Variants in EDIL3 observed in about 807,000 individuals in gnomAD.
EDIL3 encodes the protein EGF like and discoidin domains 3.
Under a neutral mutation model 67.4 loss-of-function variants are expected in EDIL3, and 37 were observed. The ratio of observed to expected loss-of-function variants is 0.55; its 90% CI spans 0.42 to 0.72. The LOEUF is 0.72. EDIL3 is among the 30% of genes least tolerant of loss of function. The pLI is 0.00. For missense variants in EDIL3, 527 were observed against 586.3 expected (o/e 0.90, Z 1.04); for synonymous variants, 195 against 196.3 (o/e 0.99, Z 0.05).
At chr5:84,156,929 A>G (rs932678078) in intron 4 of EDIL3, among the ~76,000 whole-genome samples, 2 of 152,138 alleles carry the variant, frequency 1.3e-5, no homozygotes, top group African/African-American at 4.8e-5. Context: ...CCAGAGTACT[A>G]TCAGCACGTC....
chr5:84,370,881 G>A (rs573814275), intron 1 of EDIL3, among the ~76,000 whole-genome samples: 2 of 151,982 alleles, frequency 1.3e-5, no homozygotes, highest in South Asian at 2.1e-4. Flanking sequence ...CATTTTTAAC[G>A]ATAAAAAGAT....
At chr5:84,219,502 A>T (rs1449094532) in intron 3 of EDIL3, among the ~76,000 whole-genome samples, 1 of 152,052 alleles carries the variant, frequency 6.6e-6, no homozygotes, top group East Asian at 1.9e-4. Context: ...TGTATTATAC[A>T]CTGTTGGTGG....
rs551351157 is a variant in EDIL3, at chr5:84,214,666, C to T, written c.226+15189G>A. Among the ~76,000 whole-genome samples the T allele has an allele frequency of 2.2e-3, 328 of 151,840 alleles. 1 individual carries two copies. The highest frequency in any genetic ancestry group is 7.6e-3 in the African/African-American group (314 of 41,428). ...TATTTATTTCTTCTATTTGGAAATA[C>T]ATCTATCATCACCCCTCTCTTTGTA... is the stretch of plus-strand genomic sequence containing the variant. On this transcript the variant is annotated intron_variant, in intron 3 of 10. Coordinates refer to ENST00000296591, the MANE Select transcript of EDIL3 (RefSeq NM_005711.5).
chr5:84,192,048 A>C (rs1743600512), intron 3 of EDIL3, among the ~76,000 whole-genome samples: 3 of 152,052 alleles, frequency 2.0e-5, no homozygotes, highest in Admixed American at 2.0e-4. Context: ...GTTACTCATT[A>C]GTCAAAATAC....
chr5:84,288,073 G>C (rs1029501601), intron 1 of EDIL3, among the ~76,000 whole-genome samples: 1 of 152,112 alleles, frequency 6.6e-6, no homozygotes, highest in Non-Finnish European at 1.5e-5. Flanking sequence ...AATTTAACAT[G>C]TCCACACTCC....
intron 6 of EDIL3, among the ~76,000 whole-genome samples, chr5:84,074,446 T>G (rs534311759): frequency 2.6e-5 from 4 of 152,198 alleles, no homozygotes; most frequent in Admixed American, 2.6e-4. Context: ...CTCAACCTAC[T>G]CATCTGACAA....
chr5:84,364,995 T>C (rs942552675), intron 1 of EDIL3, among the ~76,000 whole-genome samples: 5 of 148,746 alleles, frequency 3.4e-5, no homozygotes, highest in African/African-American at 1.2e-4. Flanking sequence ...ATATCTTCTC[T>C]AATGGAAAGT....
intron 3 of EDIL3, among the ~76,000 whole-genome samples, chr5:84,188,773 G>A (rs1168971687): frequency 1.3e-5 from 2 of 152,088 alleles, no homozygotes; most frequent in African/African-American, 2.4e-5. Flanking sequence ...GAAAAGCCAA[G>A]TGAAGCCACA....
rs573736577 is a variant in EDIL3 at position 84,132,245 on chromosome 5, A to C, written c.469+4996T>G. On this transcript the variant is annotated intron_variant, in intron 5 of 10. Coordinates refer to ENST00000296591, the MANE Select transcript of EDIL3 (RefSeq NM_005711.5). ...GGAGAGAGACTCCGTCTTTAAAAAAAAAGAAAAAATATATATATAATATAT... is the reference window on the plus strand; with the variant it reads ...GGAGAGAGACTCCGTCTTTAAAAAACAAGAAAAAATATATATATAATATAT... Among the ~76,000 whole-genome samples the C allele has an allele frequency of 2.0e-4, 26 of 130,156 alleles. No homozygotes were observed. In the South Asian group the frequency reaches 3.5e-3, roughly 18 times the overall value. The allele number at this position is 130,156 out of a possible 152,430, so 85.4% of individuals were successfully genotyped here.
intron 9 of EDIL3, among the ~76,000 whole-genome samples, chr5:84,006,809 T>C (rs901914015): frequency 2.0e-5 from 3 of 152,130 alleles, no homozygotes; most frequent in East Asian, 3.9e-4. Flanking sequence ...TTTAACATTA[T>C]AAAATTTTAA....
At chr5:84,055,819 G>A (rs1217508819) in intron 9 of EDIL3, among the ~76,000 whole-genome samples, 1 of 152,190 alleles carries the variant, frequency 6.6e-6, no homozygotes, top group Non-Finnish European at 1.5e-5. Context: ...AACAGGTGCT[G>A]GAGAGGATGT....
At chr5:84,266,897 G>A (rs1025981735) in intron 1 of EDIL3, among the ~76,000 whole-genome samples, 13 of 152,128 alleles carry the variant, frequency 8.5e-5, no homozygotes, top group African/African-American at 3.1e-4. Flanking sequence ...AGTTATTTTT[G>A]TGCCTTCACT....
intron 1 of EDIL3, among the ~76,000 whole-genome samples, chr5:84,341,710 T>C (rs1747119392): frequency 8.3e-6 from 1 of 120,426 alleles, no homozygotes; most frequent in Non-Finnish European, 1.9e-5. Flanking sequence ...CTGTCCCATT[T>C]CAACTATTTT....
At chr5:84,069,782 G>A (rs1277054138) in intron 6 of EDIL3, among the ~76,000 whole-genome samples, 1 of 152,078 alleles carries the variant, frequency 6.6e-6, no homozygotes. Flanking sequence ...ACAAACACTA[G>A]TGTTTTCATG....
chr5:84,159,320 T>A (rs1340871494), intron 4 of EDIL3, among the ~76,000 whole-genome samples: 2 of 152,066 alleles, frequency 1.3e-5, no homozygotes, highest in African/African-American at 4.8e-5. Flanking sequence ...AAATTCTGAT[T>A]GAAATTTTAT....
intron 9 of EDIL3, among the ~76,000 whole-genome samples, chr5:84,042,542 A>C (rs1746147405): frequency 6.6e-6 from 1 of 152,142 alleles, no homozygotes; most frequent in Non-Finnish European, 1.5e-5. Context: ...TCGGCCTCTC[A>C]AAGTGTTCGG....
At chr5:84,095,577 G>A (rs1157429075) in intron 6 of EDIL3, among the ~76,000 whole-genome samples, 2 of 152,172 alleles carry the variant, frequency 1.3e-5, no homozygotes, top group Non-Finnish European at 2.9e-5. Context: ...CTTTGAACTT[G>A]AGAGAGATGA....
At chr5:84,089,011 G>C (rs1747119488) in intron 6 of EDIL3, among the ~76,000 whole-genome samples, 1 of 152,160 alleles carries the variant, frequency 6.6e-6, no homozygotes, top group Non-Finnish European at 1.5e-5. Context: ...CTAGAGTCCT[G>C]CAAAATGATA....
chr5:84,229,845 G>C lies in EDIL3; in HGVS notation c.226+10C>G. 6.2e-7 allele frequency: 1 copy of C among 1,604,462 alleles called. No individual in the cohort carries two copies. Among genetic ancestry groups the C allele is most frequent in the Non-Finnish European group, 8.5e-7 (1 of 1,174,522 alleles). ...AAATAAGAATTATGTTTACAACATA[G>C]GAACTTTACCTGCTGAAGTTGGTTC... On this transcript the variant is annotated intron_variant, in intron 3 of 10. Coordinates refer to ENST00000296591, the MANE Select transcript of EDIL3 (RefSeq NM_005711.5).
Sources: gnomAD v4.1 joint callset for allele counts (sites outside exome capture counted in the v4.1 genomes callset) on GRCh38, gnomAD v4.1.1 for gene constraint, MANE v1.5 for transcripts, NCBI Gene and HGNC (gene_info 2026-07-23, HGNC 2026-07-21) for gene names.